VAV3: variants seen among roughly 807,000 people sequenced by gnomAD.
VAV3 encodes guanine nucleotide exchange factor VAV3.
VAV3 carries 94 observed loss-of-function variants against 131.2 expected under a neutral mutation model. The observed-to-expected ratio is 0.72, with a 90% CI of 0.61 to 0.85. The LOEUF (loss-of-function observed/expected upper bound fraction) is 0.85. Ranked by LOEUF, VAV3 falls within the 40% of genes least tolerant of loss-of-function variation. VAV3 has a pLI of 0.00. For synonymous variants in VAV3, 349 were observed against 342.0 expected, an observed-to-expected ratio of 1.02 and a Z score of -0.22; for missense variants, 939 against 1,002.7, an observed-to-expected ratio of 0.94 and a Z score of 0.86.
chr1:107,874,543 C>T (rs1311322693), intron 2 of VAV3, among the ~76,000 whole-genome samples: 1 of 152,046 alleles, frequency 6.6e-6, no homozygotes, highest in Non-Finnish European at 1.5e-5. Context: ...GGCCTGAGTG[C>T]CCAGTGATCA....
chr1:107,726,558 C>A (rs1222474578), intron 15 of VAV3, among the ~76,000 whole-genome samples: 3 of 151,490 alleles, frequency 2.0e-5, no homozygotes, highest in Non-Finnish European at 4.4e-5. Flanking sequence ...AAGCCTTCTT[C>A]ACTAAAAGCT....
intron 20 of VAV3, among the ~76,000 whole-genome samples, chr1:107,634,337 T>C (rs1215678825): frequency 3.3e-5 from 5 of 152,114 alleles, no homozygotes; most frequent in Admixed American, 2.0e-4. Context: ...AACCATCTGA[T>C]CTTTGACAAA....
intron 1 of VAV3, among the ~76,000 whole-genome samples, chr1:107,889,352 C>T (rs1162275346): frequency 6.6e-6 from 1 of 151,966 alleles, no homozygotes; most frequent in African/African-American, 2.4e-5. Context: ...AGGTTTAACA[C>T]AGAAATGTAA....
At chr1:107,587,774 T>G (rs890265558) in intron 25 of VAV3, among the ~76,000 whole-genome samples, 8 of 152,188 alleles carry the variant, frequency 5.3e-5, no homozygotes, top group South Asian at 4.1e-4. Context: ...GTATTCTTAG[T>G]AGAGACGGGG....
chr1:107,681,301 G>A (rs1557757874), intron 19 of VAV3, among the ~76,000 whole-genome samples: 1 of 152,138 alleles, frequency 6.6e-6, no homozygotes, highest in South Asian at 2.1e-4. Flanking sequence ...ATGCATTGTG[G>A]AAGCAGTTTG....
chr1:107,925,758 G>A (rs959041213), intron 1 of VAV3, among the ~76,000 whole-genome samples: 1 of 151,986 alleles, frequency 6.6e-6, no homozygotes, highest in Non-Finnish European at 1.5e-5. Flanking sequence ...ATGAATTGTG[G>A]TGATGATTGC....
At chr1:107,840,979 G>GT (rs1286606280) in intron 2 of VAV3, among the ~76,000 whole-genome samples, 3 of 152,124 alleles carry the variant, frequency 2.0e-5, no homozygotes, top group African/African-American at 7.2e-5. Context: ...GCTGGAGGCA[G>GT]TGAGACCACA....
chr1:107,776,037 AG>A, intron 4 of VAV3, among the ~76,000 whole-genome samples: 1 of 152,318 alleles, frequency 6.6e-6, no homozygotes, highest in African/African-American at 2.4e-5. Flanking sequence ...TTCAAAATTC[AG>A]TTTTCTCACT....
At chr1:107,781,396 C>T (rs773606513) in intron 2 of VAV3, among the ~76,000 whole-genome samples, 1 of 152,034 alleles carries the variant, frequency 6.6e-6, no homozygotes. Context: ...ACATTTTAAG[C>T]GTTCTCACCA....
At chr1:107,959,309 C>A (rs1020245964) in intron 1 of VAV3, among the ~76,000 whole-genome samples, 4 of 151,986 alleles carry the variant, frequency 2.6e-5, no homozygotes, top group African/African-American at 9.7e-5. Context: ...ATATTGATTT[C>A]TTTTCCCCTA....
intron 15 of VAV3, among the ~76,000 whole-genome samples, chr1:107,734,116 C>T (rs2101982709): frequency 6.6e-6 from 1 of 152,282 alleles, no homozygotes; most frequent in South Asian, 2.1e-4. Context: ...AACTAAGCTT[C>T]CTAAGTGAAG....
intron 15 of VAV3, among the ~76,000 whole-genome samples, chr1:107,738,436 C>T (rs1662810966): frequency 6.6e-6 from 1 of 152,086 alleles, no homozygotes; most frequent in African/African-American, 2.4e-5. Context: ...ATCACTCTAC[C>T]CCTAGTGTGT....
At chr1:107,603,999 G>C (rs1181688694) in intron 22 of VAV3, among the ~76,000 whole-genome samples, 1 of 145,526 alleles carries the variant, frequency 6.9e-6, no homozygotes, top group Non-Finnish European at 1.5e-5. Context: ...GACTTTGCTG[G>C]CCTTAAACAT....
intron 15 of VAV3, among the ~76,000 whole-genome samples, chr1:107,721,249 T>C (rs76369741): frequency 0.01 from 1,595 of 152,252 alleles, 23 homozygotes; most frequent in South Asian, 0.048. Context: ...CATATGTCCA[T>C]TCAGCAGAAT....
intron 2 of VAV3, among the ~76,000 whole-genome samples, chr1:107,791,558 T>C (rs1666289231): frequency 6.6e-6 from 1 of 152,204 alleles, no homozygotes; most frequent in Non-Finnish European, 1.5e-5. Flanking sequence ...CCTGGCTGAA[T>C]GTTAGAAACA....
chr1:107,712,501 A>G (rs1660845777), intron 15 of VAV3, among the ~76,000 whole-genome samples: 1 of 152,260 alleles, frequency 6.6e-6, no homozygotes, highest in Non-Finnish European at 1.5e-5. Context: ...AACCTAAGAA[A>G]TACTAAAATG....
At chr1:107,689,335 C>A (rs1266772339) in intron 17 of VAV3, among the ~76,000 whole-genome samples, 1 of 151,956 alleles carries the variant, frequency 6.6e-6, no homozygotes, top group African/African-American at 2.4e-5. Context: ...AAAGAGCAGG[C>A]CTAAGTGGGA....
At chr1:107,894,488 T>C (rs1351314347) in intron 1 of VAV3, among the ~76,000 whole-genome samples, 1 of 152,172 alleles carries the variant, frequency 6.6e-6, no homozygotes, top group East Asian at 1.9e-4. Context: ...AGGAAAGTGA[T>C]ATAAATCTCA....
rs1408797467 is a variant in VAV3 at position 107,749,016 on chromosome 1, T to C, written c.1454A>G (p.Lys485Arg). ...CCATTTCTTCTTTAAATCTTTTGTT[T>C]TGCAATAAAATTCTAACCCATTTTG... ...QGQNGLEFYCKTKDLKKKWLE... is the reference protein window; with the variant it reads ...QGQNGLEFYCRTKDLKKKWLE... Residue 485 changes from lysine (K) to arginine (R), a missense_variant, in exon 15 of 27, where the codon AAA (lysine) becomes AGA (arginine). Coordinates refer to ENST00000370056, the MANE Select transcript of VAV3 (RefSeq NM_006113.5). 2 of 1,612,618 alleles carry C rather than the reference T, an allele frequency of 1.2e-6. No homozygotes were observed. The highest frequency in any genetic ancestry group is 3.3e-5 in the Admixed American group (2 of 59,808).
Sources: gnomAD v4.1 joint callset for allele counts (sites outside exome capture counted in the v4.1 genomes callset) on GRCh38, gnomAD v4.1.1 for gene constraint, MANE v1.5 for transcripts, NCBI Gene and HGNC (gene_info 2026-07-23, HGNC 2026-07-21) for gene names.